Variants in IGFBP5 observed in about 807,000 individuals in gnomAD.
The protein encoded by IGFBP5 is insulin-like growth factor-binding protein 5.
IGFBP5 carries 12 observed loss-of-function variants against 28.0 expected under a neutral mutation model. That is an observed-to-expected ratio of 0.43 (90% CI 0.27 to 0.69). The LOEUF (loss-of-function observed/expected upper bound fraction) is 0.69, where lower values mean the gene tolerates loss of function less well. Among genes scored for constraint, IGFBP5 ranks in the 30% least tolerant of loss-of-function variants. The pLI is 0.20. For synonymous variants in IGFBP5, 152 were observed against 150.2 expected (o/e 1.01, Z -0.09); for missense variants, 344 against 381.6 (o/e 0.90, Z 0.82).
chr2:216,683,117 G>A (rs11575170), intron 1 of IGFBP5, among the ~76,000 whole-genome samples: 84 of 152,246 alleles, frequency 5.5e-4, no homozygotes, highest in South Asian at 2.7e-3. Context: ...CCAGGAGTTC[G>A]AGACCAGCCT....
chr2:216,690,356 A>C (rs1177996176), intron 1 of IGFBP5, among the ~76,000 whole-genome samples: 1 of 152,080 alleles, frequency 6.6e-6, no homozygotes, highest in Non-Finnish European at 1.5e-5. Context: ...ATCTTCTTCC[A>C]GTTTCTGGAT....
intron 1 of IGFBP5, among the ~76,000 whole-genome samples, chr2:216,682,325 T>C (rs1047709485): frequency 2.6e-5 from 4 of 152,020 alleles, no homozygotes; most frequent in South Asian, 4.2e-4. Flanking sequence ...GGCAGAGCCA[T>C]GGAGATTAAA....
At chr2:216,678,293 A>T in intron 2 of IGFBP5, 62 bp from the exon 3 acceptor site, 1 of 1,446,938 alleles carries the variant, frequency 6.9e-7, no homozygotes. Context: ...AGCTGCGCTG[A>T]CGAATGGCCC....
intron 1 of IGFBP5, among the ~76,000 whole-genome samples, chr2:216,690,733 CG>C (rs1399134557): frequency 4.7e-5 from 1 of 21,348 alleles, no homozygotes; most frequent in African/African-American, 2.0e-4. Context: ...GGTGGGGGGT[CG>C]GGGGGTGGAT....
chr2:216,678,146 T>C lies in IGFBP5; in HGVS notation c.653A>G (p.Asn218Ser), dbSNP rs1478606998. The change falls in exon 3 of 4, where the codon AAT (asparagine) becomes AGT (serine). Residue 218 changes from asparagine (N) to serine (S), a missense_variant. This residue lies in a region of IGFBP5 where 304 missense variants were observed against 329.2 expected (regional missense o/e 0.92). Transcript: ENST00000233813. ...CTTGTAGAATCCTTTGCGGTCACAA[T>C]TGGGCAGGTACACAGCACGGGGCAC... is the stretch of plus-strand genomic sequence containing the variant. ...RMVPRAVYLP[N>S]CDRKGFYKRK... The C allele has an allele frequency of 6.3e-7, 1 of 1,582,970 alleles. No homozygotes were observed. The highest frequency in any genetic ancestry group is 8.6e-7 in the Non-Finnish European group (1 of 1,161,066).
chr2:216,679,751 C>A lies in IGFBP5; in HGVS notation c.338-672G>T, dbSNP rs976361926. ...GAAATGTAGGCCCGGAGGGGACCGGCGTGGGGCCAAGTGGAAGTCGGAGGC... is the reference window on the plus strand; with the variant it reads ...GAAATGTAGGCCCGGAGGGGACCGGAGTGGGGCCAAGTGGAAGTCGGAGGC... On this transcript the variant is annotated intron_variant, in intron 1 of 3. Transcript: ENST00000233813. This position sits in a 1 kb window ranked among gnomAD's most constrained non-coding sequence, Gnocchi z 4.6. 6.6e-6 allele frequency among the ~76,000 whole-genome samples: 1 copy of A among 152,062 alleles called. No homozygotes were observed. The highest frequency in any genetic ancestry group is 1.5e-5 in the Non-Finnish European group (1 of 68,026).
At chr2:216,683,247 G>A (rs1229587823) in intron 1 of IGFBP5, among the ~76,000 whole-genome samples, 7 of 152,200 alleles carry the variant, frequency 4.6e-5, no homozygotes, top group African/African-American at 1.7e-4. Flanking sequence ...CTTGAGCCCG[G>A]AAGGTGGGAG....
rs1193091583 is a variant in IGFBP5, at chr2:216,692,529, A to C, written c.337+1910T>G. Among the ~76,000 whole-genome samples the C allele has an allele frequency of 2.0e-5, 3 of 151,890 alleles. No individual in the cohort carries two copies. Among genetic ancestry groups the C allele is most frequent in the African/African-American group, 2.4e-5 (1 of 41,350 alleles). ...TGGAGCCAGGATGCGGCTGAGTGAC[A>C]CCTTACGTTCTTTCGGTGTGACTGG... On this transcript the variant is annotated intron_variant, in intron 1 of 3. Transcript: ENST00000233813. This position sits in a 1 kb window ranked among gnomAD's most constrained non-coding sequence, Gnocchi z 4.2.
rs79944815 is a variant in IGFBP5, at chr2:216,674,385, G to T, written c.*2366C>A. 3 of 153,178 alleles carry T rather than the reference G, an allele frequency of 2.0e-5. No homozygotes were observed. The East Asian group carries it at 5.8e-4, about 30-fold the overall frequency. 9.5% of individuals were successfully genotyped at this position (153,178 alleles called of 1,614,324 possible). ...GCCCTATCGGGCCCCTTTGTCTCATGAAGATTGAGCACTTCTCCTGTCCCC... is the reference window on the plus strand; with the variant it reads ...GCCCTATCGGGCCCCTTTGTCTCATTAAGATTGAGCACTTCTCCTGTCCCC... On this transcript the variant is annotated 3_prime_UTR_variant, in exon 4 of 4. Coordinates refer to ENST00000233813, the MANE Select transcript of IGFBP5 (RefSeq NM_000599.4). The surrounding 1 kb of genome is among the most constrained non-coding windows in gnomAD (Gnocchi z 4.4).
intron 1 of IGFBP5, among the ~76,000 whole-genome samples, chr2:216,689,652 T>G (rs1198288269): frequency 6.6e-6 from 1 of 152,230 alleles, no homozygotes; most frequent in African/African-American, 2.4e-5. Flanking sequence ...GGGAAAGAGC[T>G]GAGTCCCAGC....
chr2:216,694,477 CA>C lies in IGFBP5; in HGVS notation c.298del (p.Cys100AlafsTer48). 1.3e-6 allele frequency: 2 copies of C among 1,586,434 alleles called. No individual in the cohort carries two copies. Among genetic ancestry groups the C allele is most frequent in the East Asian group, 2.3e-5 (1 of 43,336 alleles). ...LHALLHGRGV[C>X]LNEKSYREQV... ...CTCGCGGTAGCTCTTTTCGTTGAGG[CA>C]AACCCCGCGGCCGTGCAGCAGGGCG... On this transcript the variant is annotated frameshift_variant, in exon 1 of 4. Transcript: ENST00000233813. LOFTEE classifies it high-confidence loss of function. The surrounding 1 kb of genome is among the most constrained non-coding windows in gnomAD (Gnocchi z 5.2).
chr2:216,685,080 G>A (rs1689019012), intron 1 of IGFBP5, among the ~76,000 whole-genome samples: 1 of 152,018 alleles, frequency 6.6e-6, no homozygotes, highest in African/African-American at 2.4e-5. Context: ...TCAGGAGTTC[G>A]AGACCAGCCT....
intron 1 of IGFBP5, among the ~76,000 whole-genome samples, chr2:216,691,437 C>G (rs970442317): frequency 8.6e-5 from 13 of 151,228 alleles, no homozygotes; most frequent in African/African-American, 2.9e-4. Context: ...CCAGTACTTC[C>G]TTGACTCCCT....
chr2:216,680,385 T>A (rs926863417), intron 1 of IGFBP5, among the ~76,000 whole-genome samples: 3 of 152,144 alleles, frequency 2.0e-5, no homozygotes, highest in African/African-American at 7.2e-5. Context: ...GTGGGTAGAA[T>A]TCCAGGAAGT....
intron 1 of IGFBP5, among the ~76,000 whole-genome samples, chr2:216,683,994 C>T (rs933565551): frequency 6.6e-6 from 1 of 152,186 alleles, no homozygotes; most frequent in Non-Finnish European, 1.5e-5. Flanking sequence ...ACACACAGTA[C>T]ATCAGCCTCT....
At chr2:216,681,123 C>T (rs1574579072) in intron 1 of IGFBP5, among the ~76,000 whole-genome samples, 1 of 152,096 alleles carries the variant, frequency 6.6e-6, no homozygotes, top group East Asian at 1.9e-4. Flanking sequence ...TAACACAGGC[C>T]TCACGCCAAG....
rs374982378 is a variant in IGFBP5 at position 216,682,062 on chromosome 2, C to T, written c.338-2983G>A. Among the ~76,000 whole-genome samples, 35 of 152,316 alleles carry T rather than the reference C, an allele frequency of 2.3e-4. 1 individual carries two copies. The highest frequency in any genetic ancestry group is 8.2e-4 in the African/African-American group (34 of 41,578). On this transcript the variant is annotated intron_variant, in intron 1 of 3. Transcript: ENST00000233813. ...ATTTAAGGAACTCAAAATGCTTTTG[C>T]AAACTCTCTCCTTTTCCCAGCCTCC...
intron 1 of IGFBP5, among the ~76,000 whole-genome samples, chr2:216,687,303 G>A (rs768325286): frequency 1.1e-4 from 16 of 152,272 alleles, no homozygotes; most frequent in African/African-American, 2.6e-4. Context: ...TTCATGCTGC[G>A]TTAAGGGCAC....
At position 216,676,745 on chromosome 2, in the gene IGFBP5, G is replaced by GA; in HGVS notation, c.*5dup. 2 of 1,438,024 alleles carry GA rather than the reference G, an allele frequency of 1.4e-6. No homozygotes were observed. The highest frequency in any genetic ancestry group is 1.9e-6 in the Non-Finnish European group (2 of 1,055,072). 89.1% of individuals were successfully genotyped at this position (1,438,024 alleles called of 1,614,324 possible). A position where few individuals can be genotyped will look rare whatever the true frequency, so the allele number is the denominator to read the frequency against. On this transcript the variant is annotated 3_prime_UTR_variant, in exon 4 of 4. Transcript: ENST00000233813. ...GGGGGTGAGGGAAAGGTTGGGGGGG[G>GA]ACGCATCACTCAACGTTGCTGCTGT...
Sources: allele counts gnomAD v4.1 joint callset (sites outside exome capture counted in the v4.1 genomes callset), GRCh38; gene constraint gnomAD v4.1.1; regional missense constraint gnomAD v4.1.1; non-coding constraint Gnocchi (gnomAD v3.1); transcripts MANE v1.5; gene names NCBI Gene and HGNC (gene_info 2026-07-23, HGNC 2026-07-21).